Variants in KIAA1958 observed in about 807,000 individuals in gnomAD.
The protein encoded by KIAA1958 is uncharacterized protein KIAA1958.
In KIAA1958, 14 loss-of-function variants were observed where a neutral mutation model predicts 47.2. That is an observed-to-expected ratio of 0.30 (90% CI 0.20 to 0.46). The LOEUF (loss-of-function observed/expected upper bound fraction) is 0.46. KIAA1958 is among the 20% of genes least tolerant of loss of function. The pLI is 1.00. For missense variants in KIAA1958, 803 were observed against 909.2 expected, an observed-to-expected ratio of 0.88 and a Z score of 1.50; for synonymous variants, 354 against 353.3, an observed-to-expected ratio of 1.00 and a Z score of -0.02.
intron 2 of KIAA1958, among the ~76,000 whole-genome samples, chr9:112,585,349 A>G (rs185466039): frequency 4.7e-4 from 72 of 152,368 alleles, no homozygotes; most frequent in Admixed American, 2.4e-3. Flanking sequence ...GCCTCAGGGA[A>G]CACATGGAAG....
intron 1 of KIAA1958, among the ~76,000 whole-genome samples, chr9:112,552,935 G>C (rs1249228317): frequency 6.6e-6 from 1 of 152,114 alleles, no homozygotes; most frequent in Non-Finnish European, 1.5e-5. Flanking sequence ...ATGGGGAAGA[G>C]CGGGGAGCAC....
intron 1 of KIAA1958, among the ~76,000 whole-genome samples, chr9:112,533,825 C>T (rs1355319262): frequency 6.6e-6 from 1 of 152,128 alleles, no homozygotes; most frequent in African/African-American, 2.4e-5. Flanking sequence ...ATTACCTCTT[C>T]CTGGTTCTGC....
chr9:112,604,742 T>C (rs1259859310), intron 2 of KIAA1958, among the ~76,000 whole-genome samples: 1 of 152,064 alleles, frequency 6.6e-6, no homozygotes, highest in Non-Finnish European at 1.5e-5. Flanking sequence ...CTTCTTATCA[T>C]ACTCAAGTGA....
At chr9:112,656,354 CAG>C (rs1837150384) in intron 3 of KIAA1958, among the ~76,000 whole-genome samples, 4 of 105,256 alleles carry the variant, frequency 3.8e-5, no homozygotes, top group Admixed American at 1.5e-4. Flanking sequence ...GCCTGAGCAA[CAG>C]AGTGAGACTC....
At chr9:112,547,933 T>C (rs1832570492) in intron 1 of KIAA1958, among the ~76,000 whole-genome samples, 1 of 152,058 alleles carries the variant, frequency 6.6e-6, no homozygotes, top group Admixed American at 6.5e-5. Context: ...TACTTTTTTC[T>C]TTCTGTTGAT....
At chr9:112,513,401 G>T (rs2132783175) in intron 1 of KIAA1958, among the ~76,000 whole-genome samples, 2 of 149,204 alleles carry the variant, frequency 1.3e-5, no homozygotes, top group Middle Eastern at 6.8e-3. Context: ...AGGCTCAGGG[G>T]AGAGCGAGCC....
rs759779754 is a variant in KIAA1958, at chr9:112,575,086, C to A, written c.1006C>A (p.Gln336Lys). ...CCTGCAGCTGCCTGGACAGGATGAG[C>A]AAGTTGCCTCTGAAGAGTTCCTGTC... ...SALQLPGQDE[Q>K]VASEEFLSHL... The change falls in exon 2 of 4, where the codon CAA becomes AAA. Residue 336 changes from glutamine to lysine, a missense_variant. Physicochemically the swap from Gln to Lys is moderately conservative, Grantham distance 53. Coordinates refer to ENST00000337530, the MANE Select transcript of KIAA1958 (RefSeq NM_133465.4). 6.2e-7 allele frequency: 1 copy of A among 1,612,318 alleles called. No homozygotes were observed. The highest frequency in any genetic ancestry group is 1.7e-5 in the Admixed American group (1 of 59,992).
intron 1 of KIAA1958, among the ~76,000 whole-genome samples, chr9:112,504,188 CTT>C (rs374393037): frequency 1.5e-4 from 21 of 139,554 alleles, no homozygotes; most frequent in East Asian, 2.1e-4. Context: ...TAGAGATTAT[CTT>C]TTTTTTTTTT....
At chr9:112,564,068 GA>G (rs1835384218) in intron 1 of KIAA1958, among the ~76,000 whole-genome samples, 1 of 152,152 alleles carries the variant, frequency 6.6e-6, no homozygotes, top group South Asian at 2.1e-4. Flanking sequence ...CAATACTCAT[GA>G]GGAATATTGA....
chr9:112,554,477 G>A (rs542149238), intron 1 of KIAA1958, among the ~76,000 whole-genome samples: 7 of 146,064 alleles, frequency 4.8e-5, no homozygotes, highest in African/African-American at 7.7e-5. Flanking sequence ...CAGCCTGGGC[G>A]ACAGAATGAG....
At position 112,665,331 on chromosome 9, in the gene KIAA1958, T is replaced by C. The variant is rs1837339172; in HGVS notation, c.*5262T>C. 1 of 152,252 alleles carries C rather than the reference T, an allele frequency of 6.6e-6. No individual in the cohort carries two copies. Among genetic ancestry groups the C allele is most frequent in the Non-Finnish European group, 1.5e-5 (1 of 68,046 alleles). 9.4% of individuals were successfully genotyped at this position (152,252 alleles called of 1,614,324 possible). ...GACTAAGACTGTGTTACGTGCTTTC[T>C]CACAGCTGCCATATATTCTCATGTA... On this transcript the variant is annotated 3_prime_UTR_variant, in exon 4 of 4. Transcript: ENST00000337530.
At chr9:112,625,234 C>A (rs1386325348) in intron 2 of KIAA1958, among the ~76,000 whole-genome samples, 2 of 152,198 alleles carry the variant, frequency 1.3e-5, no homozygotes, top group African/African-American at 4.8e-5. Context: ...GCACTGCAGC[C>A]TTGAACTCCT....
At chr9:112,651,433 C>A (rs939177261) in intron 3 of KIAA1958, among the ~76,000 whole-genome samples, 2 of 150,060 alleles carry the variant, frequency 1.3e-5, no homozygotes, top group Non-Finnish European at 3.0e-5. Flanking sequence ...CTCACTCTAT[C>A]CCCCAGGCTG....
chr9:112,527,209 A>G (rs1309070868), intron 1 of KIAA1958, among the ~76,000 whole-genome samples: 2 of 152,206 alleles, frequency 1.3e-5, no homozygotes, highest in African/African-American at 2.4e-5. Context: ...CATACAGACT[A>G]CCTTAGTACA....
intron 1 of KIAA1958, among the ~76,000 whole-genome samples, chr9:112,516,601 CTG>C (rs1306474850): frequency 1.3e-5 from 2 of 152,132 alleles, no homozygotes; most frequent in Non-Finnish European, 2.9e-5. Context: ...AATTGACAAA[CTG>C]ATTATAAAGC....
rs978750882 is a variant in KIAA1958 at position 112,662,257 on chromosome 9, A to C, written c.*2188A>C. 1 of 152,342 alleles carries C rather than the reference A, an allele frequency of 6.6e-6. No homozygotes were observed. Among genetic ancestry groups the C allele is most frequent in the East Asian group, 1.9e-4 (1 of 5,186 alleles). 9.4% of individuals were successfully genotyped at this position (152,342 alleles called of 1,614,324 possible). ...ATCAGGAGGGCGAATCTTCAGTGGC[A>C]TCTGATGGAATGAAAGAACTGTGTC... On this transcript the variant is annotated 3_prime_UTR_variant, in exon 4 of 4. Transcript: ENST00000337530.
intron 2 of KIAA1958, among the ~76,000 whole-genome samples, chr9:112,633,241 A>G (rs1051031337): frequency 1.3e-5 from 2 of 149,964 alleles, no homozygotes; most frequent in Non-Finnish European, 3.0e-5. Context: ...TCCCAATTAT[A>G]TTTGAAATTG....
chr9:112,536,978 G>T (rs972323942), intron 1 of KIAA1958, among the ~76,000 whole-genome samples: 3 of 151,900 alleles, frequency 2.0e-5, no homozygotes, highest in Non-Finnish European at 2.9e-5. Flanking sequence ...TTTATAAATT[G>T]GACTACTTTA....
intron 2 of KIAA1958, among the ~76,000 whole-genome samples, chr9:112,620,363 C>T (rs1479358243): frequency 6.6e-6 from 1 of 152,196 alleles, no homozygotes; most frequent in African/African-American, 2.4e-5. Flanking sequence ...TCATAATTCA[C>T]ATTAGCTAGA....
Sources: gnomAD v4.1 joint callset for allele counts (sites outside exome capture counted in the v4.1 genomes callset) on GRCh38, gnomAD v4.1.1 for gene constraint, MANE v1.5 for transcripts, NCBI Gene and HGNC (gene_info 2026-07-23, HGNC 2026-07-21) for gene names.